EBP: variants seen among roughly 807,000 people sequenced by gnomAD.
EBP encodes EBP cholestenol delta-isomerase.
EBP carries 1 observed loss-of-function variant against 14.1 expected under a neutral mutation model. The observed-to-expected ratio is 0.07, with a 90% CI of 0.03 to 0.34. The LOEUF (loss-of-function observed/expected upper bound fraction) is 0.34, where lower values mean the gene tolerates loss of function less well. Ranked by LOEUF, EBP falls within the 10% of genes least tolerant of loss-of-function variation. The pLI is 0.99. For synonymous variants in EBP, 72 were observed against 77.7 expected, an observed-to-expected ratio of 0.93 and a Z score of 0.38; for missense variants, 123 against 184.6, an observed-to-expected ratio of 0.67 and a Z score of 1.93.
intron 4 of EBP, 43 bp from the exon 5 acceptor site, chrX:48,528,191 C>T (rs2061784753): frequency 8.8e-7 from 1 of 1,131,567 alleles, no homozygotes; most frequent in East Asian, 3.0e-5. Context: ...GAAAGTGTCC[C>T]CTTCCTCACT....
Position 48,522,919 on chromosome X carries a change from CGTCTT to C in EBP, c.-73-778_-73-774del, listed in dbSNP as rs1450860005. ...AACTCCTGAGCTCAAGTGGTCCACT[CGTCTT>C]GGCCTCCCAAAGTGCTGGGATTACA... is the stretch of plus-strand genomic sequence containing the variant. On this transcript the variant is annotated intron_variant, in intron 1 of 4. Coordinates refer to ENST00000495186, the MANE Select transcript of EBP (RefSeq NM_006579.3). 2.7e-5 allele frequency among the ~76,000 whole-genome samples: 3 copies of C among 111,339 alleles called. No individual in the cohort carries two copies. The Admixed American group carries it at 2.9e-4, about 11-fold the overall frequency.
chrX:48,528,646 TACAAG>T lies in EBP; in HGVS notation c.*191_*195del, dbSNP rs2061786210. On this transcript the variant is annotated 3_prime_UTR_variant, in exon 5 of 5. Coordinates refer to ENST00000495186, the MANE Select transcript of EBP (RefSeq NM_006579.3). ...CTGCTGGGAGCCATTAGAACACAGA[TACAAG>T]AGAAGCCAGGAGGTCTATGATGGTG... The T allele has an allele frequency of 8.7e-6, 4 of 459,874 alleles. No individual in the cohort carries two copies. The South Asian group carries it at 1.3e-4, about 15-fold the overall frequency. The allele number at this position is 459,874 out of a possible 1,213,427, so 37.9% of individuals were successfully genotyped here.
chrX:48,523,553 G>GAAAAAA, intron 1 of EBP, 146 bp from the exon 2 acceptor site: 4 of 272,135 alleles, frequency 1.5e-5, no homozygotes, highest in Non-Finnish European at 1.2e-5. Flanking sequence ...GACTCCGTCT[G>GAAAAAA]AAAAAAAAAA....
At chrX:48,524,097 C>T (rs2061772230) in intron 2 of EBP, 25 bp downstream of exon 2, 2 of 1,194,632 alleles carry the variant, frequency 1.7e-6, no homozygotes, top group East Asian at 3.0e-5. Context: ...CTTTCATATG[C>T]TGTGGGATGG....
rs781855567 is a variant in EBP, at chrX:48,526,953, C to T, written c.302-36C>T. On this transcript the variant is annotated intron_variant, in intron 2 of 4. Coordinates refer to ENST00000495186, the MANE Select transcript of EBP (RefSeq NM_006579.3). ...TCACAAGTGTGTGTTCCTTTCACTG[C>T]CTTTATTCTTCATATCTCTCTCTTC... 5 of 1,206,082 alleles carry T rather than the reference C, an allele frequency of 4.1e-6. No homozygotes were observed. The South Asian group carries it at 8.8e-5, about 21-fold the overall frequency.
Position 48,523,750 on chromosome X carries a change from G to T in EBP, c.-22G>T. The T allele has an allele frequency of 9.1e-7, 1 of 1,099,651 alleles. No individual in the cohort carries two copies. Among genetic ancestry groups the T allele is most frequent in the African/African-American group, 2.1e-5 (1 of 48,145 alleles). 90.6% of individuals were successfully genotyped at this position (1,099,651 alleles called of 1,213,427 possible). ...TTTTTAACTTCCTGCCTATACACAC[G>T]CAGCCATCAGCCCACAAAGACATGA... On this transcript the variant is annotated 5_prime_UTR_variant, in exon 2 of 5. Transcript: ENST00000495186.
intron 4 of EBP, chrX:48,527,748 G>A (rs1474786365): frequency 1.1e-5 from 2 of 178,019 alleles, no homozygotes; most frequent in African/African-American, 6.1e-5. Flanking sequence ...TGGGACTACA[G>A]GCATGTGCCA....
At chrX:48,524,919 T>C (rs1387229402) in intron 2 of EBP, 1 of 111,672 alleles carries the variant, frequency 9.0e-6, no homozygotes, top group Non-Finnish European at 1.9e-5. Context: ...GTTCTTTAAC[T>C]CCTGGGCTCA....
chrX:48,525,733 G>A lies in EBP; in HGVS notation c.302-1256G>A, dbSNP rs782291610. 1.6e-4 allele frequency among the ~76,000 whole-genome samples: 17 copies of A among 109,617 alleles called. 1 individual carries two copies. Among genetic ancestry groups the A allele is most frequent in the Non-Finnish European group, 3.0e-4 (16 of 52,750 alleles). On this transcript the variant is annotated intron_variant, in intron 2 of 4. Coordinates refer to ENST00000495186, the MANE Select transcript of EBP (RefSeq NM_006579.3). The stretch of plus-strand genomic sequence containing the variant: ...TTTCATAAAGAGCTTTCAAAGCATG[G>A]ACATTGTACAGTTGCTTGACTTGTG...
At chrX:48,525,816 G>A (rs1426148164) in intron 2 of EBP, among the ~76,000 whole-genome samples, 5 of 110,400 alleles carry the variant, frequency 4.5e-5, no homozygotes, top group African/African-American at 1.6e-4. Context: ...GCCGGGCAGA[G>A]TGGCTCATGC....
Position 48,527,139 on chromosome X carries a change from A to G in EBP, c.339-16A>G, listed in dbSNP as rs1276211096. The G allele has an allele frequency of 8.3e-6, 10 of 1,210,039 alleles. No individual in the cohort carries two copies. The highest frequency in any genetic ancestry group is 2.2e-5 in the Admixed American group (1 of 45,808). On this transcript the variant is annotated splice_polypyrimidine_tract_variant and intron_variant, in intron 3 of 4. Transcript: ENST00000495186. ...AGCACACCGATACCAGTGTCCCCTC[A>G]TGCTTTCTCCTGCAGGGGTGACAAC... is the stretch of plus-strand genomic sequence containing the variant.
chrX:48,525,429 T>C (rs782470953), intron 2 of EBP, among the ~76,000 whole-genome samples: 2 of 111,561 alleles, frequency 1.8e-5, no homozygotes, highest in Non-Finnish European at 3.8e-5. Context: ...TGCAGTGGCA[T>C]GATTATAGCT....
chrX:48,528,487 C>T lies in EBP; in HGVS notation c.*30C>T. On this transcript the variant is annotated 3_prime_UTR_variant, in exon 5 of 5. Transcript: ENST00000495186. ...TGGTGGACCAGGCTCGAACACTGGC[C>T]GAGGAGGAGCTCTCTGCCTGCCAGA... 8 of 1,110,869 alleles carry T rather than the reference C, an allele frequency of 7.2e-6. No homozygotes were observed. The highest frequency in any genetic ancestry group is 9.7e-6 in the Non-Finnish European group (8 of 825,827). The allele number at this position is 1,110,869 out of a possible 1,213,427, so 91.5% of individuals were successfully genotyped here.
chrX:48,528,686 A>T lies in EBP; in HGVS notation c.*229A>T. ...GAGGTCTATGATGGTGACGATTTTT[A>T]AAATCAGGAAATAAAAGATCTTGAC... On this transcript the variant is annotated 3_prime_UTR_variant, in exon 5 of 5. Transcript: ENST00000495186. 1 of 434,107 alleles carries T rather than the reference A, an allele frequency of 2.3e-6. No homozygotes were observed. The highest frequency in any genetic ancestry group is 3.4e-5 in the South Asian group (1 of 29,424). The allele number at this position is 434,107 out of a possible 1,213,427, so 35.8% of individuals were successfully genotyped here. A position where few individuals can be genotyped will look rare whatever the true frequency, so the allele number is the denominator to read the frequency against.
chrX:48,527,372 C>A, intron 4 of EBP, 87 bp downstream of exon 4: 1 of 1,182,784 alleles, frequency 8.5e-7, no homozygotes, highest in African/African-American at 1.7e-5. Flanking sequence ...TGGGTGGGAT[C>A]TCTCAACGGT....
At chrX:48,522,049 G>A (rs73485724) in intron 1 of EBP, 142 bp downstream of exon 1, 1 of 86,584 alleles carries the variant, frequency 1.2e-5, no homozygotes, top group African/African-American at 4.8e-5. Flanking sequence ...CCCAGCTACC[G>A]CACGGTTGTC....
intron 2 of EBP, among the ~76,000 whole-genome samples, chrX:48,526,139 C>T (rs1423026138): frequency 9.4e-6 from 1 of 106,932 alleles, no homozygotes; most frequent in Non-Finnish European, 1.9e-5. Flanking sequence ...CCATTGTGCC[C>T]GGCTGGTCAG....
intron 2 of EBP, among the ~76,000 whole-genome samples, chrX:48,526,054 A>G (rs1452992007): frequency 2.1e-5 from 2 of 95,882 alleles, no homozygotes; most frequent in East Asian, 6.6e-4. Flanking sequence ...GCCACTGCAC[A>G]CTCCAGCCTG....
chrX:48,526,448 C>A (rs2061779563), intron 2 of EBP, among the ~76,000 whole-genome samples: 2 of 107,514 alleles, frequency 1.9e-5, no homozygotes, highest in Admixed American at 2.0e-4. Context: ...CTCAAGACAT[C>A]CTCCCACTGC....
Sources: gnomAD v4.1 joint callset for allele counts (sites outside exome capture counted in the v4.1 genomes callset) on GRCh38, gnomAD v4.1.1 for gene constraint, MANE v1.5 for transcripts, NCBI Gene and HGNC (gene_info 2026-07-23, HGNC 2026-07-21) for gene names.